Variants in NBEA observed in about 807,000 individuals in gnomAD.
The protein encoded by NBEA is lysosomal-trafficking regulator 2.
Under a neutral mutation model 343.4 loss-of-function variants are expected in NBEA, and 44 were observed. The ratio of observed to expected loss-of-function variants is 0.13; its 90% confidence interval spans 0.10 to 0.16. The LOEUF (loss-of-function observed/expected upper bound fraction) is 0.16, where lower values mean the gene tolerates loss of function less well. Ranked by LOEUF, NBEA falls within the 10% of genes least tolerant of loss-of-function variation. NBEA has a pLI of 1.00. For missense variants in NBEA, 2,555 were observed against 3,631.3 expected, an observed-to-expected ratio of 0.70 and a Z score of 7.62; for synonymous variants, 1,175 against 1,238.7, an observed-to-expected ratio of 0.95 and a Z score of 1.08.
chr13:35,206,788 G>C (rs1275821336), intron 31 of NBEA, among the ~76,000 whole-genome samples: 1 of 152,054 alleles, frequency 6.6e-6, no homozygotes, highest in African/African-American at 2.4e-5. Context: ...TCAAAAAAAT[G>C]TAAGATCATA....
At chr13:35,353,997 C>G (rs1464995985) in intron 38 of NBEA, among the ~76,000 whole-genome samples, 1 of 152,136 alleles carries the variant, frequency 6.6e-6, no homozygotes, top group Admixed American at 6.6e-5. Flanking sequence ...TTCTTCTTCT[C>G]CGGGAAACCT....
intron 18 of NBEA, among the ~76,000 whole-genome samples, chr13:35,146,653 G>A (rs527371894): frequency 5.3e-5 from 8 of 152,050 alleles, no homozygotes; most frequent in Non-Finnish European, 4.4e-5. Context: ...ACTTGAAGCA[G>A]CAACCATTAC....
intron 38 of NBEA, among the ~76,000 whole-genome samples, chr13:35,410,865 G>A (rs2043541274): frequency 1.3e-5 from 2 of 152,166 alleles, no homozygotes; most frequent in Admixed American, 1.3e-4. Context: ...GGAATGAGCA[G>A]GAACATTATC....
intron 55 of NBEA, among the ~76,000 whole-genome samples, chr13:35,657,304 A>G (rs922467337): frequency 2.6e-5 from 4 of 152,242 alleles, no homozygotes; most frequent in South Asian, 4.1e-4. Flanking sequence ...GAGAGTGTCT[A>G]TTGTACATAC....
intron 1 of NBEA, among the ~76,000 whole-genome samples, chr13:35,017,009 G>T (rs1316659707): frequency 6.6e-6 from 1 of 152,146 alleles, no homozygotes; most frequent in Non-Finnish European, 1.5e-5. Flanking sequence ...TCGACTGTGA[G>T]AAACAGTTTG....
chr13:35,552,674 T>A (rs1319756655), intron 43 of NBEA, among the ~76,000 whole-genome samples: 2 of 152,164 alleles, frequency 1.3e-5, no homozygotes, highest in Non-Finnish European at 2.9e-5. Flanking sequence ...AAGAATAATC[T>A]CCTGTCTTCT....
At chr13:35,257,132 G>A (rs770594944) in intron 34 of NBEA, among the ~76,000 whole-genome samples, 15 of 152,228 alleles carry the variant, frequency 9.9e-5, no homozygotes, top group Non-Finnish European at 1.9e-4. Context: ...GAAGTGGATA[G>A]AGTATTACAG....
At chr13:35,548,694 T>G (rs2079176896) in intron 41 of NBEA, among the ~76,000 whole-genome samples, 1 of 152,080 alleles carries the variant, frequency 6.6e-6, no homozygotes. Flanking sequence ...TGTTTCCTAC[T>G]TGACAAAAAA....
intron 31 of NBEA, among the ~76,000 whole-genome samples, chr13:35,203,276 T>C (rs367711152): frequency 2.6e-5 from 4 of 152,144 alleles, no homozygotes; most frequent in Admixed American, 2.6e-4. Context: ...GCTCTCCATG[T>C]CACCCAGTAT....
chr13:34,957,193 A>C (rs1044635389), intron 1 of NBEA, among the ~76,000 whole-genome samples: 3 of 151,958 alleles, frequency 2.0e-5, no homozygotes, highest in Admixed American at 6.6e-5. Flanking sequence ...TGATTCTCTT[A>C]TCTTGAAACT....
At chr13:35,083,437 A>C (rs1251108860) in intron 10 of NBEA, among the ~76,000 whole-genome samples, 2 of 152,082 alleles carry the variant, frequency 1.3e-5, no homozygotes, top group African/African-American at 2.4e-5. Context: ...AAGCCAGAAG[A>C]GAGTGGGGGC....
chr13:35,206,502 A>C (rs1694973972), intron 31 of NBEA, among the ~76,000 whole-genome samples: 1 of 152,194 alleles, frequency 6.6e-6, no homozygotes, highest in Non-Finnish European at 1.5e-5. Context: ...AGTCAATGAA[A>C]TAGTACATCT....
intron 38 of NBEA, among the ~76,000 whole-genome samples, chr13:35,375,396 A>C (rs969956334): frequency 3.3e-5 from 5 of 152,154 alleles, no homozygotes; most frequent in African/African-American, 1.2e-4. Flanking sequence ...TGGTAAAATG[A>C]AATTTAAGAA....
At chr13:35,339,428 G>C (rs994629200) in intron 36 of NBEA, among the ~76,000 whole-genome samples, 1 of 151,980 alleles carries the variant, frequency 6.6e-6, no homozygotes, top group Non-Finnish European at 1.5e-5. Context: ...ATAATAAAAT[G>C]TAACAATGAT....
intron 28 of NBEA, among the ~76,000 whole-genome samples, chr13:35,181,842 T>A (rs1450421021): frequency 6.6e-6 from 1 of 151,830 alleles, no homozygotes; most frequent in Non-Finnish European, 1.5e-5. Flanking sequence ...CATATTGAGC[T>A]TATGTAAATT....
chr13:35,029,258 C>T (rs1248460129), intron 1 of NBEA, among the ~76,000 whole-genome samples: 1 of 148,356 alleles, frequency 6.7e-6, no homozygotes, highest in Non-Finnish European at 1.5e-5. Flanking sequence ...TAGTCTATAA[C>T]ACCACTGCTG....
At chr13:35,479,547 CG>C (rs1247122970) in intron 41 of NBEA, among the ~76,000 whole-genome samples, 3 of 151,826 alleles carry the variant, frequency 2.0e-5, no homozygotes, top group Non-Finnish European at 2.9e-5. Context: ...GCAGTTCAGC[CG>C]ATTTTAATCT....
In NBEA at chr13:35,177,027, C is replaced by T. The variant is rs1292789176; in HGVS notation, c.4586C>T (p.Ser1529Phe). Reference protein sequence around the residue: ...TPLENVPGNLSPIKDPDRLLQ... With the variant: ...TPLENVPGNLFPIKDPDRLLQ... Reference sequence around the variant, plus strand: ...TTGGAAAATGTTCCAGGTAACCTTTCTCCTATTAAGGATCCGGATAGACTT... The same window carrying T: ...TTGGAAAATGTTCCAGGTAACCTTTTTCCTATTAAGGATCCGGATAGACTT... Residue 1529 changes from serine (S) to phenylalanine (F), a missense_variant, in exon 28 of 59, where the codon TCT becomes TTT. By Grantham distance (155) the Ser-to-Phe change is radical. Around this residue, in one of 21 missense-constraint regions of NBEA, gnomAD observed 168 missense variants for 193.0 expected, o/e 0.87. Transcript: ENST00000379939. The T allele has an allele frequency of 2.5e-6, 4 of 1,603,302 alleles. No homozygotes were observed. Among genetic ancestry groups the T allele is most frequent in the Non-Finnish European group, 2.6e-6 (3 of 1,173,862 alleles).
At chr13:35,567,355 G>A (rs2080183075) in intron 45 of NBEA, among the ~76,000 whole-genome samples, 1 of 152,082 alleles carries the variant, frequency 6.6e-6, no homozygotes. Context: ...TTCCTTAGAT[G>A]GTAAGACATT....
Sources: gnomAD v4.1 joint callset for allele counts (sites outside exome capture counted in the v4.1 genomes callset) on GRCh38, gnomAD v4.1.1 for gene constraint, gnomAD v4.1.1 regional missense constraint, MANE v1.5 for transcripts, NCBI Gene and HGNC (gene_info 2026-07-23, HGNC 2026-07-21) for gene names.